LRRC37B: variants seen among roughly 807,000 people sequenced by gnomAD.
LRRC37B encodes leucine rich repeat containing 37B.
A neutral mutation model predicts 98.3 loss-of-function variants in LRRC37B; 28 were observed. The ratio of observed to expected loss-of-function variants is 0.28; its 90% CI spans 0.21 to 0.39. LRRC37B has a LOEUF of 0.39. Ranked by LOEUF, LRRC37B falls within the 10% of genes least tolerant of loss-of-function variation. The pLI is 1.00. For missense variants in LRRC37B, 938 were observed against 1,182.7 expected, an observed-to-expected ratio of 0.79 and a Z score of 3.03; for synonymous variants, 364 against 442.7, an observed-to-expected ratio of 0.82 and a Z score of 2.23.
At chr17:32,035,766 T>C in intron 7 of LRRC37B, 127 bp downstream of exon 10, 1 of 1,019,680 alleles carries the variant, frequency 9.8e-7, no homozygotes, top group South Asian at 1.6e-5. Flanking sequence ...AGTGTATAGT[T>C]TGATGAGTTT....
Position 32,048,876 on chromosome 17 carries a change from G to A in LRRC37B, c.2465-226G>A, listed in dbSNP as rs2627106. On this transcript the variant is annotated intron_variant, in intron 9 of 11. Transcript: ENST00000327564. Reference sequence around the variant, plus strand: ...TCAGAACGTTTTATAGAAAACACTAGTGTAAAAGACACAACTAATGTAAAA... The same window carrying A: ...TCAGAACGTTTTATAGAAAACACTAATGTAAAAGACACAACTAATGTAAAA... The A allele has an allele frequency of 4.5e-6, 7 of 1,542,726 alleles. No individual in the cohort carries two copies. In the South Asian group the frequency reaches 6.8e-5, roughly 15 times the overall value.
intron 5 of LRRC37B, among the ~76,000 whole-genome samples, chr17:32,033,204 C>A (rs1567616323): frequency 6.6e-6 from 1 of 151,936 alleles, no homozygotes; most frequent in Non-Finnish European, 1.5e-5. Flanking sequence ...GTCTGGAACT[C>A]CTGACCTCAG....
chr17:32,028,966 C>T (rs1040940618), intron 3 of LRRC37B: 1 of 151,860 alleles, frequency 6.6e-6, no homozygotes, highest in Admixed American at 6.6e-5. Context: ...CTACTACTCA[C>T]TCCCCCAGCT....
chr17:32,022,619 A>G (rs763188234), exon 1 of LRRC37B: 31 of 1,613,900 alleles, frequency 1.9e-5, no homozygotes, highest in Non-Finnish European at 6.8e-6. Flanking sequence ...TCACAGGTCC[A>G]CCTACAAAGT....
chr17:32,026,928 T>C (rs1480131606), intron 2 of LRRC37B, among the ~76,000 whole-genome samples: 2 of 152,230 alleles, frequency 1.3e-5, no homozygotes, highest in Non-Finnish European at 2.9e-5. Context: ...AGGTGGCTCA[T>C]GTCTGCAATC....
At chr17:32,047,001 C>T (rs987670847) in intron 8 of LRRC37B, among the ~76,000 whole-genome samples, 2 of 152,088 alleles carry the variant, frequency 1.3e-5, no homozygotes, top group African/African-American at 4.8e-5. Flanking sequence ...TAATGTTTAT[C>T]CAGAAACTGC....
intron 10 of LRRC37B, among the ~76,000 whole-genome samples, chr17:32,049,609 G>C (rs1295289148): frequency 6.6e-6 from 1 of 152,184 alleles, no homozygotes; most frequent in East Asian, 1.9e-4. Context: ...GCTCATGCCT[G>C]TAATCCCAGC....
In LRRC37B at chr17:32,043,531, A is replaced by G. The variant is rs146926512; in HGVS notation, c.2205-2169A>G. On this transcript the variant is annotated intron_variant, in intron 7 of 11. Transcript: ENST00000327564. Reference sequence around the variant, plus strand: ...AGCCGAGATTGCACCACTGCACTCAACCTGTGTAACAGAGCGAGACTCAGC... The same window carrying G: ...AGCCGAGATTGCACCACTGCACTCAGCCTGTGTAACAGAGCGAGACTCAGC... Among the ~76,000 whole-genome samples the G allele has an allele frequency of 6.1e-3, 926 of 152,302 alleles. 2 individuals carry two copies. The highest frequency in any genetic ancestry group is 0.014 in the South Asian group (70 of 4,830).
intron 7 of LRRC37B, among the ~76,000 whole-genome samples, chr17:32,037,857 C>T (rs1273842432): frequency 1.3e-5 from 2 of 152,002 alleles, no homozygotes; most frequent in Non-Finnish European, 2.9e-5. Flanking sequence ...CCTGTAATCC[C>T]AGTACTTTGG....
chr17:32,035,484 T>A, intron 6 of LRRC37B, 81 bp from the exon 10 acceptor site: 14 of 1,427,320 alleles, frequency 9.8e-6, no homozygotes, highest in Non-Finnish European at 1.4e-5. Context: ...ATAGAAGTAA[T>A]CACATGTCCT....
upstream of LRRC37B, among the ~76,000 whole-genome samples, chr17:32,020,141 G>T (rs527315581): frequency 1.3e-5 from 2 of 152,126 alleles, no homozygotes; most frequent in Admixed American, 1.3e-4. Context: ...ACTGTGCACA[G>T]CCCCCCTTCA....
At chr17:32,024,297 G>T (rs1910882911) in intron 1 of LRRC37B, among the ~76,000 whole-genome samples, 1 of 152,182 alleles carries the variant, frequency 6.6e-6, no homozygotes, top group Non-Finnish European at 1.5e-5. Context: ...GCAAAGCTTT[G>T]GTGTTGCCTG....
At chr17:32,053,076 C>T (rs960506115) in intron 11 of LRRC37B, 190 bp from the exon 15 acceptor site, 14 of 598,674 alleles carry the variant, frequency 2.3e-5, no homozygotes, top group African/African-American at 7.7e-5. Context: ...AGAACCAGTC[C>T]TCTGCAAGGT....
At chr17:32,026,826 T>C (rs1598205943) in intron 2 of LRRC37B, among the ~76,000 whole-genome samples, 1 of 152,202 alleles carries the variant, frequency 6.6e-6, no homozygotes, top group African/African-American at 2.4e-5. Context: ...AGGGGCACAC[T>C]GGGGCTTCTG....
Position 32,041,437 on chromosome 17 carries a change from T to A in LRRC37B, c.2205-4263T>A, listed in dbSNP as rs1187618113. 1.5e-5 allele frequency: 11 copies of A among 724,524 alleles called. No individual in the cohort carries two copies. In the Admixed American group the frequency reaches 1.9e-4, roughly 13 times the overall value. The allele number at this position is 724,524 out of a possible 1,614,324, so 44.9% of individuals were successfully genotyped here. A position where few individuals can be genotyped will look rare whatever the true frequency, so the allele number is the denominator to read the frequency against. ...GACGTCTTCACGCTGATCAACCAGA[T>A]CAACGAGAACTGGTACCAGGGCATG... On this transcript the variant is annotated intron_variant, in intron 7 of 11. Transcript: ENST00000327564.
upstream of LRRC37B, chr17:32,007,746 C>T (rs1910442343): frequency 1.0e-5 from 12 of 1,193,836 alleles, no homozygotes; most frequent in East Asian, 3.5e-5. The surrounding 1 kb of genome is among the most constrained non-coding windows in gnomAD (Gnocchi z 4.1). Context: ...GTAGCCGGGG[C>T]AGGTGGGCAG....
intron 4 of LRRC37B, among the ~76,000 whole-genome samples, chr17:32,031,068 G>A (rs558905523): frequency 0.097 from 14,753 of 151,550 alleles, 990 homozygotes; most frequent in Middle Eastern, 0.15. Context: ...CAGAGTATAA[G>A]ACAAACCCCC....
chr17:32,045,012 C>G (rs546987463), intron 7 of LRRC37B, among the ~76,000 whole-genome samples: 3 of 152,272 alleles, frequency 2.0e-5, no homozygotes, highest in African/African-American at 7.2e-5. Context: ...CAGTGATAAT[C>G]TTTGTCTGAA....
Position 32,012,538 on chromosome 17 carries a change from G to A in LRRC37B, c.-191+4406G>A, listed in dbSNP as rs150495336. Among the ~76,000 whole-genome samples, 283 of 151,604 alleles carry A rather than the reference G, an allele frequency of 1.9e-3. 3 individuals are homozygous for A. The highest frequency in any genetic ancestry group is 6.3e-3 in the African/African-American group (260 of 41,296). On this transcript the variant is annotated intron_variant, in intron 1 of 14. Transcript: ENST00000543378. ...TCAAGACCAGACCGGCCAACATGGCGAAACCCCGTCTCTACTAAAAATAGA... is the reference window on the plus strand; with the variant it reads ...TCAAGACCAGACCGGCCAACATGGCAAAACCCCGTCTCTACTAAAAATAGA...
Sources: gnomAD v4.1 joint callset for allele counts (sites outside exome capture counted in the v4.1 genomes callset) on GRCh38, gnomAD v4.1.1 for gene constraint, Gnocchi (gnomAD v3.1) non-coding constraint, MANE v1.5 for transcripts, NCBI Gene and HGNC (gene_info 2026-07-23, HGNC 2026-07-21) for gene names.